PIGA: variants seen among roughly 807,000 people sequenced by gnomAD.
PIGA encodes phosphatidylinositol N-acetylglucosaminyltransferase subunit A.
PIGA carries 3 observed loss-of-function variants against 17.1 expected under a neutral mutation model. The observed-to-expected ratio is 0.18, with a 90% CI of 0.08 to 0.45. The LOEUF (loss-of-function observed/expected upper bound fraction) is 0.45. PIGA is among the 20% of genes least tolerant of loss of function. The pLI is 0.99. For missense variants in PIGA, 231 were observed against 374.1 expected (o/e 0.62, Z 3.16); for synonymous variants, 126 against 135.1 (o/e 0.93, Z 0.47).
chrX:15,333,257 T>C (rs1234089386), intron 1 of PIGA, among the ~76,000 whole-genome samples: 1 of 112,462 alleles, frequency 8.9e-6, no homozygotes, highest in African/African-American at 3.2e-5. Flanking sequence ...ACTCTCAAAG[T>C]TTTGCTAGCA....
intron 5 of PIGA, among the ~76,000 whole-genome samples, chrX:15,322,460 T>C (rs1921846511): frequency 1.8e-5 from 2 of 112,293 alleles, no homozygotes; most frequent in Admixed American, 9.5e-5. Flanking sequence ...GCTGAGCAAG[T>C]AGGTGGCTTG....
At chrX:15,331,056 T>G in intron 2 of PIGA, 160 bp downstream of exon 2, 1 of 419,892 alleles carries the variant, frequency 2.4e-6, no homozygotes, top group Middle Eastern at 6.5e-4. Flanking sequence ...TCGCTCTTCT[T>G]GGATATATAA....
rs1921758969 is a variant in PIGA, at chrX:15,320,202, C to T, written c.*1304G>A. 1 of 112,222 alleles carries T rather than the reference C, an allele frequency of 8.9e-6. No homozygotes were observed. Among genetic ancestry groups the T allele is most frequent in the African/African-American group, 3.2e-5 (1 of 30,906 alleles). The allele number at this position is 112,222 out of a possible 1,213,427, so 9.2% of individuals were successfully genotyped here. A position where few individuals can be genotyped will look rare whatever the true frequency, so the allele number is the denominator to read the frequency against. On this transcript the variant is annotated 3_prime_UTR_variant, in exon 6 of 6. Coordinates refer to ENST00000333590, the MANE Select transcript of PIGA (RefSeq NM_002641.4). Reference sequence around the variant, plus strand: ...GTGAATGTTGTCATTTTTAAAAATCCTATACAGAATCACAACACTGTCAGA... The same window carrying T: ...GTGAATGTTGTCATTTTTAAAAATCTTATACAGAATCACAACACTGTCAGA...
intron 5 of PIGA, among the ~76,000 whole-genome samples, chrX:15,322,236 A>G: frequency 8.9e-6 from 1 of 111,745 alleles, no homozygotes; most frequent in East Asian, 2.8e-4. Flanking sequence ...TCTGGCAGAC[A>G]TCAACCACAA....
At chrX:15,322,221 C>G (rs1193347046) in intron 5 of PIGA, among the ~76,000 whole-genome samples, 1 of 111,453 alleles carries the variant, frequency 9.0e-6, no homozygotes, top group East Asian at 2.8e-4. Flanking sequence ...ATGCTCTCAC[C>G]GGCATCTGGC....
chrX:15,320,859 T>C lies in PIGA; in HGVS notation c.*647A>G, dbSNP rs1473916872. 1 of 111,185 alleles carries C rather than the reference T, an allele frequency of 9.0e-6. No individual in the cohort carries two copies. The highest frequency in any genetic ancestry group is 1.9e-5 in the Non-Finnish European group (1 of 53,029). The allele number at this position is 111,185 out of a possible 1,213,427, so 9.2% of individuals were successfully genotyped here. A position where few individuals can be genotyped will look rare whatever the true frequency, so the allele number is the denominator to read the frequency against. ...ACCACAATTATGATGAAGTAAGCCA[T>C]TTGAATGGTAAACAAAGAGTGAATG... On this transcript the variant is annotated 3_prime_UTR_variant, in exon 6 of 6. Transcript: ENST00000333590.
intron 1 of PIGA, among the ~76,000 whole-genome samples, chrX:15,333,910 G>A (rs188783414): frequency 1.0e-3 from 111 of 111,377 alleles, no homozygotes; most frequent in Non-Finnish European, 1.8e-3. Context: ...TATCTCAGGG[G>A]TCCCCTAAAG....
At chrX:15,334,365 T>C (rs1441156525) in intron 1 of PIGA, among the ~76,000 whole-genome samples, 2 of 109,647 alleles carry the variant, frequency 1.8e-5, no homozygotes, top group East Asian at 5.7e-4. Flanking sequence ...AATTTTTGTA[T>C]TTTTAGTAGA....
intron 2 of PIGA, among the ~76,000 whole-genome samples, chrX:15,329,714 G>C (rs1015687452): frequency 3.6e-5 from 4 of 111,319 alleles, no homozygotes; most frequent in African/African-American, 1.3e-4. Flanking sequence ...TTTATAACCA[G>C]ACTGTGTCAG....
intron 2 of PIGA, 48 bp downstream of exon 2, chrX:15,331,168 C>T: frequency 1.1e-6 from 1 of 935,100 alleles, no homozygotes; most frequent in Non-Finnish European, 1.5e-6. Flanking sequence ...CAACAGCTTT[C>T]TATAGGGAAA....
intron 5 of PIGA, among the ~76,000 whole-genome samples, chrX:15,323,484 C>T (rs1189267869): frequency 9.0e-6 from 1 of 111,188 alleles, no homozygotes; most frequent in East Asian, 2.8e-4. Flanking sequence ...GGGACTCTGA[C>T]ATGTACTCCC....
intron 5 of PIGA, among the ~76,000 whole-genome samples, chrX:15,324,151 C>G (rs1288600442): frequency 8.9e-6 from 1 of 112,226 alleles, no homozygotes. Flanking sequence ...TGAATTCTAA[C>G]TTACTATGTT....
chrX:15,325,818 CAGG>C (rs1161295191), intron 3 of PIGA, 93 bp downstream of exon 3: 3 of 619,042 alleles, frequency 4.8e-6, no homozygotes, highest in Non-Finnish European at 4.8e-6. Flanking sequence ...CAATTACATG[CAGG>C]AGAAGCAACA....
intron 5 of PIGA, among the ~76,000 whole-genome samples, chrX:15,323,598 T>C (rs1288776004): frequency 8.9e-6 from 1 of 111,929 alleles, no homozygotes; most frequent in African/African-American, 3.2e-5. Context: ...TCAAAAATGT[T>C]TGACTGTCGC....
intron 2 of PIGA, chrX:15,327,703 TCC>T (rs1003362344): frequency 1.8e-5 from 2 of 111,834 alleles, no homozygotes; most frequent in Non-Finnish European, 3.8e-5. Flanking sequence ...TCCATTTTCT[TCC>T]TCACCCTTTT....
chrX:15,325,202 A>G (rs1273298361), intron 3 of PIGA, 50 bp from the exon 4 acceptor site: 1 of 1,081,854 alleles, frequency 9.2e-7, no homozygotes, highest in Non-Finnish European at 1.2e-6. Flanking sequence ...TCATGCTACA[A>G]AAGAAATTTA....
rs1264977929 is a variant in PIGA, at chrX:15,321,477, G to A, written c.*29C>T. ...TAGTCTTTATAGAACTATTACAAAT[G>A]TTTAAAATCTTACAATCTAGGCTTC... On this transcript the variant is annotated 3_prime_UTR_variant, in exon 6 of 6. Transcript: ENST00000333590. 2 of 1,160,229 alleles carry A rather than the reference G, an allele frequency of 1.7e-6. No homozygotes were observed. Among genetic ancestry groups the A allele is most frequent in the Non-Finnish European group, 2.3e-6 (2 of 852,335 alleles).
chrX:15,328,857 G>T (rs1922065438), intron 2 of PIGA: 1 of 112,099 alleles, frequency 8.9e-6, no homozygotes, highest in Non-Finnish European at 1.9e-5. Context: ...GCCATCTCAA[G>T]AAGATATGCT....
chrX:15,321,682 T>G lies in PIGA; in HGVS notation c.1279A>C (p.Ile427Leu). Residue 427 changes from isoleucine to leucine, a missense_variant, in exon 6 of 6, where the codon ATC (isoleucine) becomes CTC (leucine). Transcript: ENST00000333590. ...TTGAAAACTGCCAACAAAGCAAAGA[T>G]GTAGCCTGTTACTGGGCCGCAGTGA... is the stretch of plus-strand genomic sequence containing the variant. ...ISHCGPVTGY[I>L]FALLAVFNFL... The G allele has an allele frequency of 8.3e-7, 1 of 1,209,489 alleles. No homozygotes were observed. Among genetic ancestry groups the G allele is most frequent in the South Asian group, 1.8e-5 (1 of 56,951 alleles).
Sources: gnomAD v4.1 joint callset for allele counts (sites outside exome capture counted in the v4.1 genomes callset) on GRCh38, gnomAD v4.1.1 for gene constraint, MANE v1.5 for transcripts, NCBI Gene and HGNC (gene_info 2026-07-23, HGNC 2026-07-21) for gene names.